CNTN6: variants seen among roughly 807,000 people sequenced by gnomAD.
CNTN6 encodes contactin-6.
A neutral mutation model predicts 122.8 loss-of-function variants in CNTN6; 137 were observed. That is an observed-to-expected ratio of 1.12 (90% CI 0.97 to 1.29). The LOEUF (loss-of-function observed/expected upper bound fraction) is 1.29. CNTN6 is among the 50% of genes most tolerant of loss of function. The probability of loss-of-function intolerance (pLI) is 0.00; values close to 1 mark genes in which losing one functional copy is unlikely to be tolerated. For synonymous variants in CNTN6, 570 were observed against 426.0 expected (o/e 1.34, Z -4.16); for missense variants, 1,634 against 1,223.4 (o/e 1.34, Z -5.01).
At chr3:1,402,041 G>T (rs1213219892) in intron 21 of CNTN6, among the ~76,000 whole-genome samples, 2 of 151,664 alleles carry the variant, frequency 1.3e-5, no homozygotes, top group Admixed American at 6.6e-5. Flanking sequence ...ACTCAACAGT[G>T]ACTTTCCACA....
intron 2 of CNTN6, among the ~76,000 whole-genome samples, chr3:1,195,422 G>A (rs1173388937): frequency 6.6e-6 from 1 of 152,102 alleles, no homozygotes; most frequent in African/African-American, 2.4e-5. Context: ...TATGTATCAG[G>A]GAGTTGGTTG....
intron 12 of CNTN6, among the ~76,000 whole-genome samples, chr3:1,367,609 C>T (rs992392850): frequency 2.6e-5 from 4 of 152,050 alleles, no homozygotes; most frequent in Non-Finnish European, 5.9e-5. Context: ...GCTGCTGCTG[C>T]TTCACCATAC....
At chr3:1,167,047 TAA>T (rs764885215) in intron 2 of CNTN6, among the ~76,000 whole-genome samples, 10 of 131,178 alleles carry the variant, frequency 7.6e-5, no homozygotes, top group African/African-American at 5.7e-5. Context: ...AACTTAAAAT[TAA>T]AAAAAAAAAA....
intron 20 of CNTN6, among the ~76,000 whole-genome samples, chr3:1,386,864 G>GTTTGAAAATAAAGTTATA (rs1490080335): frequency 5.3e-5 from 8 of 152,132 alleles, no homozygotes; most frequent in African/African-American, 1.9e-4. Flanking sequence ...GTTAAGAAGA[G>GTTTGAAAATAAAGTTATA]TTTGAAAATA....
intron 11 of CNTN6, among the ~76,000 whole-genome samples, chr3:1,346,736 A>G (rs1230026218): frequency 6.6e-6 from 1 of 152,150 alleles, no homozygotes; most frequent in Admixed American, 6.6e-5. Context: ...AAGACACCGG[A>G]AAAACGAGGG....
intron 1 of CNTN6, among the ~76,000 whole-genome samples, chr3:1,109,080 A>C (rs1047415970): frequency 1.3e-5 from 2 of 152,076 alleles, no homozygotes; most frequent in Admixed American, 6.6e-5. Flanking sequence ...TTTTAATAAG[A>C]TTATAAAAAG....
chr3:1,321,835 G>A lies in CNTN6; in HGVS notation c.946+1G>A, dbSNP rs768052985. ...GCAAAGGGTCAACTCATTTTTTATG[G>A]TGAGCTAATTGGATTTCAAATATAT... On this transcript the variant is annotated splice_donor_variant, in intron 8 of 22. Transcript: ENST00000446702. LOFTEE classifies it high-confidence loss of function. 2.5e-6 allele frequency: 4 copies of A among 1,598,068 alleles called. No individual in the cohort carries two copies. Among genetic ancestry groups the A allele is most frequent in the Admixed American group, 3.5e-5 (2 of 57,084 alleles).
rs111772660 is a variant in CNTN6 at position 1,153,562 on chromosome 3, T to G, written c.55+5499T>G. ...ATTTTGTCAGTATTTTTACATAGCT[T>G]ACTTCTTTATAAATAACACAGCCTG... is the stretch of plus-strand genomic sequence containing the variant. On this transcript the variant is annotated intron_variant, in intron 2 of 22. Coordinates refer to ENST00000446702, the MANE Select transcript of CNTN6 (RefSeq NM_001289080.2). 3.6e-3 allele frequency among the ~76,000 whole-genome samples: 553 copies of G among 152,352 alleles called. 4 individuals carry two copies. The highest frequency in any genetic ancestry group is 0.024 in the Middle Eastern group (7 of 294).
At chr3:1,328,228 G>A (rs1230306654) in intron 10 of CNTN6, among the ~76,000 whole-genome samples, 1 of 151,802 alleles carries the variant, frequency 6.6e-6, no homozygotes, top group African/African-American at 2.4e-5. Flanking sequence ...GACATCAAGA[G>A]GAGGTAGAAA....
Position 1,119,322 on chromosome 3 carries a change from C to CGT in CNTN6, c.-83+26232_-83+26233dup, listed in dbSNP as rs369235352. Among the ~76,000 whole-genome samples the CGT allele has an allele frequency of 8.2e-4, 104 of 126,546 alleles. 2 individuals are homozygous for CGT. Among genetic ancestry groups the CGT allele is most frequent in the South Asian group, 1.4e-3 (5 of 3,496 alleles). The allele number at this position is 126,546 out of a possible 152,430, so 83.0% of individuals were successfully genotyped here. A position where few individuals can be genotyped will look rare whatever the true frequency, so the allele number is the denominator to read the frequency against. On this transcript the variant is annotated intron_variant, in intron 1 of 22. Coordinates refer to ENST00000446702, the MANE Select transcript of CNTN6 (RefSeq NM_001289080.2). ...ATTTGAGAAAGAATAACAGAAAAAT[C>CGT]GTGTGTGTGTGTGTGTGTGTGTGTG...
At chr3:1,158,316 C>T (rs993715766) in intron 2 of CNTN6, among the ~76,000 whole-genome samples, 24 of 152,274 alleles carry the variant, frequency 1.6e-4, no homozygotes, top group African/African-American at 5.5e-4. Context: ...TGCCTGTTTG[C>T]TATTTTTATG....
intron 1 of CNTN6, among the ~76,000 whole-genome samples, chr3:1,127,965 T>G (rs2092222837): frequency 1.3e-5 from 2 of 151,862 alleles, no homozygotes; most frequent in Admixed American, 6.6e-5. Flanking sequence ...AGCACAGTCT[T>G]TAGGGCCTAC....
intron 21 of CNTN6, among the ~76,000 whole-genome samples, chr3:1,401,870 T>C (rs1486105953): frequency 6.6e-6 from 1 of 152,002 alleles, no homozygotes; most frequent in Non-Finnish European, 1.5e-5. Context: ...TATATCTAAA[T>C]AGAGATTTTA....
chr3:1,176,376 A>G (rs1015683173), intron 2 of CNTN6, among the ~76,000 whole-genome samples: 1 of 152,174 alleles, frequency 6.6e-6, no homozygotes, highest in African/African-American at 2.4e-5. Flanking sequence ...AAGATCGTGC[A>G]CCGCACCTGG....
intron 4 of CNTN6, among the ~76,000 whole-genome samples, chr3:1,277,641 G>A (rs1692656389): frequency 1.3e-5 from 2 of 152,116 alleles, no homozygotes; most frequent in Non-Finnish European, 2.9e-5. Flanking sequence ...GATTACAGGA[G>A]TGAGCCACCA....
intron 2 of CNTN6, among the ~76,000 whole-genome samples, chr3:1,208,302 G>A (rs956648479): frequency 3.3e-5 from 5 of 151,960 alleles, no homozygotes; most frequent in African/African-American, 4.8e-5. Flanking sequence ...TTTATTTCAT[G>A]ACTCTCCTAC....
At chr3:1,249,275 TC>T (rs1236752578) in intron 4 of CNTN6, among the ~76,000 whole-genome samples, 1 of 152,202 alleles carries the variant, frequency 6.6e-6, no homozygotes, top group Non-Finnish European at 1.5e-5. Context: ...CATTCAACTA[TC>T]CATTTATGCA....
At position 1,321,663 on chromosome 3, in the gene CNTN6, A is replaced by G. The variant is rs1284089594; in HGVS notation, c.775A>G (p.Ile259Val). 2 of 1,611,044 alleles carry G rather than the reference A, an allele frequency of 1.2e-6. No individual in the cohort carries two copies. The highest frequency in any genetic ancestry group is 1.3e-5 in the African/African-American group (1 of 74,638). Residue 259 changes from isoleucine to valine, a missense_variant, in exon 8 of 23, where the codon ATT becomes GTT. Ile to Val is a conservative substitution (Grantham distance 29, BLOSUM62 3). Coordinates refer to ENST00000446702, the MANE Select transcript of CNTN6 (RefSeq NM_001289080.2). ...CFALGNPVPDISWRRLDGSPL... is the reference protein window; with the variant it reads ...CFALGNPVPDVSWRRLDGSPL... ...GTAACTGTTTAGTCCAGTCCCCGATATTAGTTGGAGAAGGTTGGACGGGAG... is the reference window on the plus strand; with the variant it reads ...GTAACTGTTTAGTCCAGTCCCCGATGTTAGTTGGAGAAGGTTGGACGGGAG...
At chr3:1,203,241 A>C (rs2093910037) in intron 2 of CNTN6, among the ~76,000 whole-genome samples, 1 of 152,222 alleles carries the variant, frequency 6.6e-6, no homozygotes, top group Non-Finnish European at 1.5e-5. Flanking sequence ...ACAAAAACAA[A>C]AATACCTGCC....
Sources: gnomAD v4.1 joint callset for allele counts (sites outside exome capture counted in the v4.1 genomes callset) on GRCh38, gnomAD v4.1.1 for gene constraint, MANE v1.5 for transcripts, NCBI Gene and HGNC (gene_info 2026-07-23, HGNC 2026-07-21) for gene names.